KDM4B: variants seen among roughly 807,000 people sequenced by gnomAD.
KDM4B encodes the protein lysine demethylase 4B, also known as lysine-specific demethylase 4B.
A neutral mutation model predicts 125.2 loss-of-function variants in KDM4B; 32 were observed. The observed-to-expected ratio is 0.26, with a 90% CI of 0.19 to 0.34. KDM4B has a LOEUF of 0.34. Among genes scored for constraint, KDM4B ranks in the 10% least tolerant of loss-of-function variants. KDM4B has a pLI of 1.00. For synonymous variants in KDM4B, 721 were observed against 677.9 expected (o/e 1.06, Z -0.99); for missense variants, 1,190 against 1,577.7 (o/e 0.75, Z 4.16).
At position 5,114,403 on chromosome 19, in the gene KDM4B, C is replaced by T. The variant is rs756711087; in HGVS notation, c.1115+3585C>T. ...CCTGCGCCAGTGCAGGACACCGCCA[C>T]GCCTCTGGCCCCGACTCCTGCCAGG... On this transcript the variant is annotated intron_variant, in intron 10 of 22. Coordinates refer to ENST00000159111, the MANE Select transcript of KDM4B (RefSeq NM_015015.3). The surrounding 1 kb of genome is among the most constrained non-coding windows in gnomAD (Gnocchi z 5.8). The T allele has an allele frequency of 3.2e-5, 15 of 471,558 alleles. No individual in the cohort carries two copies. In the East Asian group the frequency reaches 3.5e-4, roughly 11 times the overall value. 29.2% of individuals were successfully genotyped at this position (471,558 alleles called of 1,614,324 possible).
intron 13 of KDM4B, among the ~76,000 whole-genome samples, chr19:5,132,377 G>A (rs112587278): frequency 0.038 from 5,779 of 152,268 alleles, 167 homozygotes; most frequent in Non-Finnish European, 0.063. Context: ...GGGAGGGGAG[G>A]AGATGGAATC....
intron 1 of KDM4B, among the ~76,000 whole-genome samples, chr19:5,007,537 T>G (rs1050984606): frequency 7.6e-6 from 1 of 130,800 alleles, no homozygotes; most frequent in Non-Finnish European, 1.6e-5. Flanking sequence ...TCACTTTCTC[T>G]CTCTCTTTTT....
At chr19:5,137,493 C>A in intron 16 of KDM4B, 128 bp from the exon 17 acceptor site, 2 of 1,217,986 alleles carry the variant, frequency 1.6e-6, no homozygotes, top group Admixed American at 2.0e-5. Flanking sequence ...TCCCACCCGT[C>A]ACTTTGGTGG....
chr19:5,010,971 C>G (rs1331752876), intron 1 of KDM4B, among the ~76,000 whole-genome samples: 1 of 152,200 alleles, frequency 6.6e-6, no homozygotes, highest in Non-Finnish European at 1.5e-5. Context: ...CACATGTTCT[C>G]TCAGGAAAGC....
At chr19:5,079,402 G>A (rs542169944) in intron 8 of KDM4B, among the ~76,000 whole-genome samples, 56 of 152,214 alleles carry the variant, frequency 3.7e-4, no homozygotes, top group Non-Finnish European at 6.5e-4. Context: ...AGGTTTTCTC[G>A]CAGGAACATA....
intron 1 of KDM4B, among the ~76,000 whole-genome samples, chr19:4,994,018 C>CTTTTTTTTTTTT (rs1568212929): frequency 9.0e-6 from 1 of 110,656 alleles, no homozygotes; most frequent in African/African-American, 3.3e-5. Context: ...TATTTTCAGC[C>CTTTTTTTTTTTT]TGTTTTTTTT....
At chr19:5,055,644 G>A (rs535760901) in intron 6 of KDM4B, among the ~76,000 whole-genome samples, 64 of 152,124 alleles carry the variant, frequency 4.2e-4, no homozygotes, top group Non-Finnish European at 7.4e-4. Context: ...CGCAGCAGGC[G>A]AGTGTCGGGT....
chr19:5,123,056 AG>A (rs2039389774), intron 11 of KDM4B, among the ~76,000 whole-genome samples: 1 of 152,232 alleles, frequency 6.6e-6, no homozygotes, highest in Non-Finnish European at 1.5e-5. Context: ...GTGCAGATGC[AG>A]GGACAGGCAA....
At chr19:5,008,591 C>CT (rs550611814) in intron 1 of KDM4B, among the ~76,000 whole-genome samples, 5,963 of 135,502 alleles carry the variant, frequency 0.044, 213 homozygotes, top group Non-Finnish European at 0.073. Context: ...TTTTCTTTTT[C>CT]TTTTTTTTTT....
In KDM4B at chr19:5,081,049, G is replaced by C. The variant is rs1274914049; in HGVS notation, c.781-1318G>C. On this transcript the variant is annotated intron_variant, in intron 8 of 22. Transcript: ENST00000159111. The surrounding 1 kb of genome is among the most constrained non-coding windows in gnomAD (Gnocchi z 4.2). ...GGTTCGGTGGGGATGGCCTGGTAGA[G>C]GGCTGGTAGGAGGGGTGCCTGGGGG... The C allele has an allele frequency of 1.3e-5, 2 of 152,262 alleles. No homozygotes were observed. Among genetic ancestry groups the C allele is most frequent in the African/African-American group, 4.8e-5 (2 of 41,438 alleles). 9.4% of individuals were successfully genotyped at this position (152,262 alleles called of 1,614,324 possible). A position where few individuals can be genotyped will look rare whatever the true frequency, so the allele number is the denominator to read the frequency against.
At chr19:5,097,469 C>T (rs192310373) in intron 9 of KDM4B, among the ~76,000 whole-genome samples, 1 of 152,164 alleles carries the variant, frequency 6.6e-6, no homozygotes. Context: ...TCCAGGCTGG[C>T]CTTGAACTCC....
At chr19:4,973,142 A>G (rs1474242009) in intron 1 of KDM4B, among the ~76,000 whole-genome samples, 2 of 152,358 alleles carry the variant, frequency 1.3e-5, no homozygotes, top group East Asian at 1.9e-4. Context: ...CTTCCTGAAC[A>G]GTAATGTCCC....
rs750873689 is a variant in KDM4B at position 5,013,067 on chromosome 19, C to T, written c.-108-3190C>T. On this transcript the variant is annotated intron_variant, in intron 1 of 22. Transcript: ENST00000159111. ...GGGCCCGGCCTCAGCCCCAGAGCCT[C>T]CAGCCTCCCAGCTTGGAGTGGGCGC... Among the ~76,000 whole-genome samples the T allele has an allele frequency of 6.9e-4, 105 of 152,294 alleles. 1 individual carries two copies. Among genetic ancestry groups the T allele is most frequent in the Admixed American group, 2.2e-3 (33 of 15,304 alleles).
chr19:5,002,443 C>CCCTTTCTCTCT, intron 1 of KDM4B, among the ~76,000 whole-genome samples: 1 of 149,286 alleles, frequency 6.7e-6, no homozygotes, highest in East Asian at 1.9e-4. Flanking sequence ...ACTTTCTCTC[C>CCCTTTCTCTCT]CCTTTCTCTC....
At chr19:4,998,471 C>T (rs573024185) in intron 1 of KDM4B, among the ~76,000 whole-genome samples, 1 of 152,292 alleles carries the variant, frequency 6.6e-6, no homozygotes, top group Non-Finnish European at 1.5e-5. Context: ...TGCCTTTAAT[C>T]CTTTCCTCTC....
At position 5,110,634 on chromosome 19, in the gene KDM4B, A is replaced by G. The variant is rs1374820463; in HGVS notation, c.931A>G (p.Lys311Glu). The G allele has an allele frequency of 6.2e-7, 1 of 1,612,710 alleles. No individual in the cohort carries two copies. The highest frequency in any genetic ancestry group is 8.5e-7 in the Non-Finnish European group (1 of 1,179,854). The change falls in exon 10 of 23, where the codon AAG becomes GAG. Residue 311 changes from lysine (K) to glutamate (E), a missense_variant. By Grantham distance (56) the Lys-to-Glu change is moderately conservative. Coordinates refer to ENST00000159111, the MANE Select transcript of KDM4B (RefSeq NM_015015.3). Reference sequence around the variant, plus strand: ...TCCCCTGCCGCAGTGCACGTGCCGGAAGGACATGGTCAAGATCTCCATGGA... The same window carrying G: ...TCCCCTGCCGCAGTGCACGTGCCGGGAGGACATGGTCAAGATCTCCATGGA... ...GKVATQCTCR[K>E]DMVKISMDVF...
intron 2 of KDM4B, among the ~76,000 whole-genome samples, chr19:5,020,352 T>G (rs546568891): frequency 4.6e-5 from 7 of 152,118 alleles, no homozygotes; most frequent in Admixed American, 1.3e-4. Flanking sequence ...GGTGTTGGTG[T>G]GCAGGTGCTG....
At chr19:5,060,434 A>C (rs1378450388) in intron 6 of KDM4B, among the ~76,000 whole-genome samples, 1 of 46,686 alleles carries the variant, frequency 2.1e-5, no homozygotes, top group African/African-American at 1.8e-4. Context: ...CTCTGTCTCC[A>C]AAAAAAAAAA....
chr19:5,028,011 G>A (rs2036334696), intron 2 of KDM4B, among the ~76,000 whole-genome samples: 1 of 152,082 alleles, frequency 6.6e-6, no homozygotes, highest in Non-Finnish European at 1.5e-5. Flanking sequence ...GTCTTGCTCT[G>A]TTGCCCAGAG....
Sources: gnomAD v4.1 joint callset for allele counts (sites outside exome capture counted in the v4.1 genomes callset) on GRCh38, gnomAD v4.1.1 for gene constraint, Gnocchi (gnomAD v3.1) non-coding constraint, MANE v1.5 for transcripts, NCBI Gene and HGNC (gene_info 2026-07-23, HGNC 2026-07-21) for gene names.